TENM4: variants seen among roughly 807,000 people sequenced by gnomAD.
The protein encoded by TENM4 is teneurin-4.
A neutral mutation model predicts 243.3 loss-of-function variants in TENM4; 82 were observed. That is an observed-to-expected ratio of 0.34 (90% confidence interval 0.28 to 0.40). The LOEUF is 0.40. Ranked by LOEUF, TENM4 falls within the 10% of genes least tolerant of loss-of-function variation. The pLI is 1.00. For synonymous variants in TENM4, 1,412 were observed against 1,456.3 expected, an observed-to-expected ratio of 0.97 and a Z score of 0.69; for missense variants, 3,138 against 3,673.3, an observed-to-expected ratio of 0.85 and a Z score of 3.77.
chr11:79,286,829 T>C (rs886815535), intron 2 of TENM4, among the ~76,000 whole-genome samples: 4 of 152,216 alleles, frequency 2.6e-5, no homozygotes, highest in African/African-American at 9.7e-5. Context: ...ATTACATAAT[T>C]GGGAAATAGA....
chr11:79,259,757 T>C (rs1855765391), intron 2 of TENM4, among the ~76,000 whole-genome samples: 1 of 152,194 alleles, frequency 6.6e-6, no homozygotes, highest in South Asian at 2.1e-4. Flanking sequence ...CAAGTATCCA[T>C]TAAACATCTA....
chr11:78,837,570 C>T (rs138551613), intron 12 of TENM4, among the ~76,000 whole-genome samples: 8 of 152,228 alleles, frequency 5.3e-5, no homozygotes, highest in Non-Finnish European at 8.8e-5. Flanking sequence ...CTGACCATAC[C>T]CTGTAAATGG....
intron 3 of TENM4, chr11:79,191,935 C>T: frequency 6.1e-6 from 1 of 163,586 alleles, no homozygotes; most frequent in South Asian, 1.5e-4. Flanking sequence ...GCCCCCCATC[C>T]AGGAGGGAGG....
rs947737322 is a variant in TENM4, at chr11:78,891,181, A to C, written c.848+57T>G. Reference sequence around the variant, plus strand: ...GGGAAAGGTCTCAGGGTCTGCATGCAAGTGCAGGAGCCACAAGGAGAGCAC... The same window carrying C: ...GGGAAAGGTCTCAGGGTCTGCATGCCAGTGCAGGAGCCACAAGGAGAGCAC... On this transcript the variant is annotated intron_variant, in intron 8 of 33. Transcript: ENST00000278550. 2.0e-6 allele frequency: 3 copies of C among 1,492,238 alleles called. No homozygotes were observed. The African/African-American group carries it at 4.2e-5, about 21-fold the overall frequency. 92.4% of individuals were successfully genotyped at this position (1,492,238 alleles called of 1,614,324 possible). A position where few individuals can be genotyped will look rare whatever the true frequency, so the allele number is the denominator to read the frequency against.
At chr11:78,659,161 A>G (rs77575618) in intron 33 of TENM4, among the ~76,000 whole-genome samples, 1,945 of 152,316 alleles carry the variant, frequency 0.013, 43 homozygotes, top group African/African-American at 0.045. Flanking sequence ...TATGACAACA[A>G]TAATTGCAAT....
intron 5 of TENM4, among the ~76,000 whole-genome samples, chr11:79,065,674 C>T (rs1051930434): frequency 2.0e-5 from 3 of 152,116 alleles, no homozygotes; most frequent in Non-Finnish European, 2.9e-5. Flanking sequence ...AGCCTCACAC[C>T]AGGAAAAAGG....
At chr11:78,972,220 C>A (rs1293860164) in intron 6 of TENM4, among the ~76,000 whole-genome samples, 3 of 152,156 alleles carry the variant, frequency 2.0e-5, no homozygotes, top group Non-Finnish European at 4.4e-5. Context: ...ATGGGAGGAG[C>A]TCAGCAGACC....
At chr11:79,225,000 C>T (rs1864236301) in intron 2 of TENM4, among the ~76,000 whole-genome samples, 1 of 151,866 alleles carries the variant, frequency 6.6e-6, no homozygotes, top group African/African-American at 2.4e-5. Flanking sequence ...CAGATATACA[C>T]ACAGGGAAGA....
At chr11:79,043,017 T>C (rs1182918499) in intron 6 of TENM4, among the ~76,000 whole-genome samples, 1 of 152,208 alleles carries the variant, frequency 6.6e-6, no homozygotes, top group Non-Finnish European at 1.5e-5. Flanking sequence ...AGTCATACAG[T>C]ACATGCATGT....
intron 6 of TENM4, among the ~76,000 whole-genome samples, chr11:79,064,438 T>C (rs111846313): frequency 3.9e-4 from 60 of 152,254 alleles, no homozygotes; most frequent in African/African-American, 1.3e-3. Flanking sequence ...GGGAATCTGT[T>C]ACCACTGCCC....
At chr11:78,979,446 T>G (rs535758656) in intron 6 of TENM4, among the ~76,000 whole-genome samples, 1 of 152,130 alleles carries the variant, frequency 6.6e-6, no homozygotes, top group Non-Finnish European at 1.5e-5. Flanking sequence ...GGCCCCTTGC[T>G]AGAGAAAGGG....
intron 1 of TENM4, among the ~76,000 whole-genome samples, chr11:79,313,015 C>T (rs1224657601): frequency 6.6e-6 from 1 of 152,202 alleles, no homozygotes; most frequent in Admixed American, 6.5e-5. Flanking sequence ...AAACCCCATC[C>T]CTAGTCACTG....
At chr11:79,290,557 C>T (rs1161104297) in intron 2 of TENM4, among the ~76,000 whole-genome samples, 1 of 151,640 alleles carries the variant, frequency 6.6e-6, no homozygotes, top group Non-Finnish European at 1.5e-5. Flanking sequence ...GGCTTGGGAA[C>T]TCCCCTCACC....
chr11:78,886,272 C>T (rs61468614), intron 9 of TENM4, among the ~76,000 whole-genome samples: 1,790 of 152,242 alleles, frequency 0.012, 36 homozygotes, highest in African/African-American at 0.041. Flanking sequence ...TTGATTAGAT[C>T]GGTTGGTCTG....
chr11:78,981,800 CAG>C (rs976736761), intron 6 of TENM4, among the ~76,000 whole-genome samples: 1 of 152,286 alleles, frequency 6.6e-6, no homozygotes, highest in South Asian at 2.1e-4. Flanking sequence ...TCACTGTAGA[CAG>C]AGTCTTCATA....
chr11:79,101,659 G>A (rs1861235686), intron 4 of TENM4, among the ~76,000 whole-genome samples: 1 of 152,198 alleles, frequency 6.6e-6, no homozygotes, highest in African/African-American at 2.4e-5. Flanking sequence ...GCTGGTGTGA[G>A]GATTTAATGA....
intron 4 of TENM4, among the ~76,000 whole-genome samples, chr11:79,105,073 T>G (rs1369224665): frequency 6.6e-6 from 1 of 152,178 alleles, no homozygotes; most frequent in Non-Finnish European, 1.5e-5. Flanking sequence ...AGTTCTATAA[T>G]CACACCTGAC....
At position 79,018,653 on chromosome 11, in the gene TENM4, A is replaced by G. The variant is rs573443422; in HGVS notation, c.493+46085T>C. On this transcript the variant is annotated intron_variant, in intron 6 of 33. Transcript: ENST00000278550. Reference sequence around the variant, plus strand: ...GAGAGAGATTACTCAGAAGAGGTTTACTTACTTCCCGGAGACCTCTCCCCC... The same window carrying G: ...GAGAGAGATTACTCAGAAGAGGTTTGCTTACTTCCCGGAGACCTCTCCCCC... 2.0e-4 allele frequency among the ~76,000 whole-genome samples: 30 copies of G among 152,200 alleles called. No individual in the cohort carries two copies. In the South Asian group the frequency reaches 5.8e-3, roughly 30 times the overall value.
intron 6 of TENM4, among the ~76,000 whole-genome samples, chr11:79,034,626 G>T (rs1429366217): frequency 6.6e-6 from 1 of 151,938 alleles, no homozygotes; most frequent in African/African-American, 2.4e-5. Context: ...GGCCTAAAAA[G>T]CATCTCAAAA....
Sources: allele counts gnomAD v4.1 joint callset (sites outside exome capture counted in the v4.1 genomes callset), GRCh38; gene constraint gnomAD v4.1.1; transcripts MANE v1.5; gene names NCBI Gene and HGNC (gene_info 2026-07-23, HGNC 2026-07-21).